IL1RAPL2: variants seen among roughly 807,000 people sequenced by gnomAD.
IL1RAPL2 encodes the protein X-linked interleukin-1 receptor accessory protein-like 2.
Under a neutral mutation model 44.1 loss-of-function variants are expected in IL1RAPL2, and 3 were observed. The ratio of observed to expected loss-of-function variants is 0.07; its 90% CI spans 0.03 to 0.18. The LOEUF is 0.18. Ranked by LOEUF, IL1RAPL2 falls within the 10% of genes least tolerant of loss-of-function variation. The pLI, the probability that IL1RAPL2 is intolerant of heterozygous loss-of-function variation, is 1.00. For synonymous variants in IL1RAPL2, 181 were observed against 178.8 expected (o/e 1.01, Z -0.10); for missense variants, 391 against 496.4 (o/e 0.79, Z 2.02).
chrX:105,547,605 C>T (rs1171053410), intron 6 of IL1RAPL2, among the ~76,000 whole-genome samples: 1 of 111,951 alleles, frequency 8.9e-6, no homozygotes, highest in Admixed American at 9.5e-5. Context: ...GTGGCTCTAC[C>T]ATCGAGTAAT....
At chrX:105,252,203 G>A (rs1198716933) in intron 4 of IL1RAPL2, among the ~76,000 whole-genome samples, 1 of 110,972 alleles carries the variant, frequency 9.0e-6, no homozygotes, top group African/African-American at 3.3e-5. Context: ...TTTTTTGTCT[G>A]TCTTCCTTTA....
intron 6 of IL1RAPL2, among the ~76,000 whole-genome samples, chrX:105,516,031 G>C (rs1161585553): frequency 1.8e-5 from 2 of 111,283 alleles, no homozygotes; most frequent in Admixed American, 9.6e-5. Flanking sequence ...AGTTTGTAAG[G>C]TGCAAAAATG....
chrX:105,139,061 C>T (rs758747419), intron 2 of IL1RAPL2, among the ~76,000 whole-genome samples: 9 of 111,532 alleles, frequency 8.1e-5, no homozygotes, highest in East Asian at 5.7e-4. Context: ...CTAAAAAGAA[C>T]GTTTACCATA....
At chrX:105,708,228 C>T (rs2038180759) in intron 6 of IL1RAPL2, among the ~76,000 whole-genome samples, 2 of 111,031 alleles carry the variant, frequency 1.8e-5, no homozygotes, top group Admixed American at 9.6e-5. Context: ...GTGCAGACAG[C>T]CAACAAGACT....
intron 6 of IL1RAPL2, among the ~76,000 whole-genome samples, chrX:105,712,900 A>C (rs927033252): frequency 1.8e-5 from 2 of 112,219 alleles, no homozygotes; most frequent in African/African-American, 6.5e-5. Context: ...CAAATGGGAG[A>C]AAATGGCCAA....
At chrX:104,918,862 T>G (rs1924541932) in intron 2 of IL1RAPL2, among the ~76,000 whole-genome samples, 1 of 111,890 alleles carries the variant, frequency 8.9e-6, no homozygotes, top group South Asian at 3.7e-4. Context: ...AAATTTATTT[T>G]TAAAGCCTTG....
At chrX:104,633,715 A>T (rs759801787) in intron 1 of IL1RAPL2, among the ~76,000 whole-genome samples, 1 of 110,721 alleles carries the variant, frequency 9.0e-6, no homozygotes, top group South Asian at 3.9e-4. Flanking sequence ...TATTGCGTCT[A>T]TTTGATTCTT....
At chrX:105,563,140 A>T (rs374672730) in intron 6 of IL1RAPL2, among the ~76,000 whole-genome samples, 4 of 111,839 alleles carry the variant, frequency 3.6e-5, no homozygotes, top group South Asian at 7.5e-4. Flanking sequence ...ACATTTATTG[A>T]GCGCCTATCA....
intron 7 of IL1RAPL2, among the ~76,000 whole-genome samples, chrX:105,734,132 T>G (rs762828027): frequency 6.6e-5 from 7 of 105,915 alleles, no homozygotes; most frequent in South Asian, 4.1e-4. Context: ...GCTTTGCAGG[T>G]TTTTTTTTTG....
At position 105,399,400 on chromosome X, in the gene IL1RAPL2, C is replaced by T. The variant is rs769171636; in HGVS notation, c.698-84913C>T. 2.7e-5 allele frequency among the ~76,000 whole-genome samples: 3 copies of T among 111,158 alleles called. No individual in the cohort carries two copies. In the East Asian group the frequency reaches 8.5e-4, roughly 32 times the overall value. ...CTATACCTCTCAAGCAGTCTCTCCCCTTACCATCCCTATCCTTCTTAGAGG... is the reference window on the plus strand; with the variant it reads ...CTATACCTCTCAAGCAGTCTCTCCCTTTACCATCCCTATCCTTCTTAGAGG... On this transcript the variant is annotated intron_variant, in intron 5 of 10. Coordinates refer to ENST00000372582, the MANE Select transcript of IL1RAPL2 (RefSeq NM_017416.2).
chrX:105,027,826 G>T (rs2031401724), intron 2 of IL1RAPL2, among the ~76,000 whole-genome samples: 1 of 111,318 alleles, frequency 9.0e-6, no homozygotes, highest in Non-Finnish European at 1.9e-5. Context: ...CTCACTGCTG[G>T]GCACATACCC....
rs761823647 is a variant in IL1RAPL2 at position 105,696,540 on chromosome X, A to AC, written c.773-20819dup. Among the ~76,000 whole-genome samples the AC allele has an allele frequency of 9.2e-4, 101 of 110,284 alleles. 1 individual carries two copies. Among genetic ancestry groups the AC allele is most frequent in the South Asian group, 1.2e-3 (3 of 2,594 alleles). On this transcript the variant is annotated intron_variant, in intron 6 of 10. Transcript: ENST00000372582. ...TGAATAAATATAGGACACCACATCC[A>AC]CCCCCCCCACAAAAGTAATAAAATC...
At chrX:105,514,922 G>A (rs1233622017) in intron 6 of IL1RAPL2, among the ~76,000 whole-genome samples, 3 of 111,723 alleles carry the variant, frequency 2.7e-5, no homozygotes, top group Non-Finnish European at 5.6e-5. Flanking sequence ...GGTTGAAAAG[G>A]GGAGCTGAGA....
chrX:105,133,014 C>T (rs945158687), intron 2 of IL1RAPL2, among the ~76,000 whole-genome samples: 1 of 112,216 alleles, frequency 8.9e-6, no homozygotes, highest in Non-Finnish European at 1.9e-5. Context: ...AGTAACATCA[C>T]TTTCCCTATT....
chrX:104,592,143 A>ATGTGTG (rs1344014844), intron 1 of IL1RAPL2, among the ~76,000 whole-genome samples: 7 of 43,462 alleles, frequency 1.6e-4, no homozygotes, highest in Admixed American at 3.4e-4. Flanking sequence ...TAATGCCCGT[A>ATGTGTG]TATGTGTGTG....
At chrX:104,938,314 C>T (rs1410602032) in intron 2 of IL1RAPL2, among the ~76,000 whole-genome samples, 3 of 111,614 alleles carry the variant, frequency 2.7e-5, no homozygotes, top group African/African-American at 9.8e-5. Flanking sequence ...AATTCTTGTC[C>T]AATATCAATA....
Position 105,406,011 on chromosome X carries a change from A to G in IL1RAPL2, c.698-78302A>G. 2.5e-6 allele frequency: 3 copies of G among 1,207,703 alleles called. No homozygotes were observed. In the South Asian group the frequency reaches 5.3e-5, roughly 21 times the overall value. On this transcript the variant is annotated intron_variant, in intron 5 of 10. Coordinates refer to ENST00000372582, the MANE Select transcript of IL1RAPL2 (RefSeq NM_017416.2). ...TCCTGAGGGATTGTTAGGATTCCAC[A>G]CAGACTGGCTGACATTAAATGTTGG...
chrX:105,417,472 C>T (rs995418492), intron 5 of IL1RAPL2, among the ~76,000 whole-genome samples: 1 of 112,618 alleles, frequency 8.9e-6, no homozygotes, highest in Non-Finnish European at 1.9e-5. Context: ...GCCTTCGTCT[C>T]AAAAAATAAA....
chrX:105,749,901 G>A (rs978178793), intron 9 of IL1RAPL2, among the ~76,000 whole-genome samples: 10 of 111,828 alleles, frequency 8.9e-5, no homozygotes, highest in African/African-American at 3.2e-4. Flanking sequence ...CCTTGGAAAT[G>A]TGTATAGAAT....
Sources: allele counts gnomAD v4.1 joint callset (sites outside exome capture counted in the v4.1 genomes callset), GRCh38; gene constraint gnomAD v4.1.1; transcripts MANE v1.5; gene names NCBI Gene and HGNC (gene_info 2026-07-23, HGNC 2026-07-21).